The following NFIB variants were observed in gnomAD, a reference collection of about 807,000 sequenced individuals.
NFIB encodes the protein nuclear factor I B.
NFIB carries 11 observed loss-of-function variants against 61.5 expected under a neutral mutation model. The ratio of observed to expected loss-of-function variants is 0.18; its 90% CI spans 0.11 to 0.30. NFIB has a LOEUF of 0.30. NFIB is among the 10% of genes least tolerant of loss of function. The pLI, the probability that NFIB is intolerant of heterozygous loss-of-function variation, is 1.00. For synonymous variants in NFIB, 260 were observed against 216.5 expected, an observed-to-expected ratio of 1.20 and a Z score of -1.76; for missense variants, 471 against 608.9, an observed-to-expected ratio of 0.77 and a Z score of 2.38.
intron 1 of NFIB, among the ~76,000 whole-genome samples, chr9:14,367,790 A>G (rs1440462562): frequency 2.0e-5 from 3 of 152,198 alleles, no homozygotes; most frequent in Non-Finnish European, 4.4e-5. Context: ...CAGAAAACCA[A>G]ACACCGCACG....
the NFIB span, among the ~76,000 whole-genome samples, chr9:14,487,613 A>G: frequency 0.091 from 10,980 of 120,036 alleles, 680 homozygotes; most frequent in African/African-American, 0.3. Flanking sequence ...TGAAAACAGA[A>G]AAATCAAAGA....
chr9:14,393,736 C>T (rs887214883), intron 1 of NFIB, among the ~76,000 whole-genome samples: 1 of 152,162 alleles, frequency 6.6e-6, no homozygotes, highest in Non-Finnish European at 1.5e-5. Flanking sequence ...GAGTTGTCTG[C>T]AGAGACCATT....
At chr9:14,218,014 C>A (rs566422561) in intron 2 of NFIB, among the ~76,000 whole-genome samples, 1 of 152,220 alleles carries the variant, frequency 6.6e-6, no homozygotes, top group South Asian at 2.1e-4. Flanking sequence ...ACTTTCCATC[C>A]CAGGCTCAGT....
chr9:14,311,251 C>T (rs796957810), intron 1 of NFIB, among the ~76,000 whole-genome samples: 10 of 152,090 alleles, frequency 6.6e-5, no homozygotes, highest in African/African-American at 2.4e-4. Flanking sequence ...AATTGAGATA[C>T]TTTTAAAAGT....
At chr9:14,371,259 C>T (rs1410742965) in intron 1 of NFIB, among the ~76,000 whole-genome samples, 2 of 152,176 alleles carry the variant, frequency 1.3e-5, no homozygotes, top group Non-Finnish European at 2.9e-5. Flanking sequence ...TATATGTTAG[C>T]TTTGGACATG....
chr9:14,259,616 G>A lies in NFIB; in HGVS notation c.562+47373C>T, dbSNP rs573877893. 3.9e-4 allele frequency among the ~76,000 whole-genome samples: 59 copies of A among 152,210 alleles called. 1 individual carries two copies. Among genetic ancestry groups the A allele is most frequent in the African/African-American group, 1.4e-3 (59 of 41,556 alleles). On this transcript the variant is annotated intron_variant, in intron 2 of 10. Transcript: ENST00000380953. ...CAGGATCTTCTGTTTAAAAGGTATT[G>A]GTGGCCGGGCGCAGTGGCTCACGCC...
the NFIB span, among the ~76,000 whole-genome samples, chr9:14,423,585 T>C: frequency 1.3e-5 from 2 of 152,236 alleles, no homozygotes; most frequent in Non-Finnish European, 2.9e-5. Flanking sequence ...TCTATAGTTT[T>C]CTCCTGCCAT....
intron 2 of NFIB, among the ~76,000 whole-genome samples, chr9:14,206,672 T>G (rs2049761886): frequency 8.1e-6 from 1 of 123,244 alleles, no homozygotes; most frequent in African/African-American, 3.3e-5. Context: ...TACAGAGTTA[T>G]GAGATTCAGA....
chr9:14,511,917 T>C, the NFIB span, among the ~76,000 whole-genome samples: 2 of 152,230 alleles, frequency 1.3e-5, no homozygotes, highest in African/African-American at 4.8e-5. Context: ...AAACAAGGCC[T>C]CTTGGGTTCA....
At chr9:14,530,197 C>T in the NFIB span, among the ~76,000 whole-genome samples, 1 of 152,118 alleles carries the variant, frequency 6.6e-6, no homozygotes, top group Non-Finnish European at 1.5e-5. Context: ...ACATCACTTC[C>T]AAGCCTTGGT....
the NFIB span, among the ~76,000 whole-genome samples, chr9:14,459,830 A>T: frequency 1.9e-4 from 29 of 151,388 alleles, 1 homozygote; most frequent in East Asian, 3.5e-3. Context: ...ACCATCTCAC[A>T]CCAGTTAGAA....
chr9:14,334,384 C>T (rs750341658), intron 1 of NFIB, among the ~76,000 whole-genome samples: 2 of 152,178 alleles, frequency 1.3e-5, no homozygotes, highest in Non-Finnish European at 2.9e-5. Flanking sequence ...TATATTCCAA[C>T]GTATAGCAAT....
At chr9:14,518,696 A>G in the NFIB span, among the ~76,000 whole-genome samples, 1 of 152,098 alleles carries the variant, frequency 6.6e-6, no homozygotes, top group African/African-American at 2.4e-5. Flanking sequence ...ACCAAGTTGT[A>G]GAGGAAGGGA....
chr9:14,141,348 G>C (rs1413750676), intron 6 of NFIB, among the ~76,000 whole-genome samples: 4 of 152,106 alleles, frequency 2.6e-5, no homozygotes, highest in Non-Finnish European at 5.9e-5. Context: ...TGAGAGTCCA[G>C]TTTAATTTTT....
chr9:14,418,021 C>T, the NFIB span, among the ~76,000 whole-genome samples: 1 of 152,014 alleles, frequency 6.6e-6, no homozygotes, highest in Non-Finnish European at 1.5e-5. Flanking sequence ...TCAGGTGATC[C>T]ACCCACCTCG....
intron 2 of NFIB, among the ~76,000 whole-genome samples, chr9:14,231,012 G>T (rs1486227217): frequency 6.6e-6 from 1 of 150,728 alleles, no homozygotes; most frequent in Non-Finnish European, 1.5e-5. Flanking sequence ...GAGTAACTGA[G>T]GATCCCAAGC....
At chr9:14,339,221 A>G (rs1426501078) in intron 1 of NFIB, among the ~76,000 whole-genome samples, 2 of 152,144 alleles carry the variant, frequency 1.3e-5, no homozygotes, top group African/African-American at 4.8e-5. Context: ...ATCACTTGGA[A>G]CCCTGTCTGA....
chr9:14,517,223 T>TC, the NFIB span, among the ~76,000 whole-genome samples: 5 of 152,044 alleles, frequency 3.3e-5, no homozygotes, highest in East Asian at 5.8e-4. Flanking sequence ...CCTCCAAATT[T>TC]CCCCCCACCA....
the NFIB span, among the ~76,000 whole-genome samples, chr9:14,478,745 C>G: frequency 5.1e-4 from 78 of 152,270 alleles, no homozygotes; most frequent in Non-Finnish European, 9.0e-4. Context: ...CATTTCTCTA[C>G]AATTTTTCAC....
Sources: allele counts gnomAD v4.1 joint callset (sites outside exome capture counted in the v4.1 genomes callset), GRCh38; gene constraint gnomAD v4.1.1; transcripts MANE v1.5; gene names NCBI Gene and HGNC (gene_info 2026-07-23, HGNC 2026-07-21).